The following RNF130 variants were observed in gnomAD, a reference collection of about 807,000 sequenced individuals.
The protein encoded by RNF130 is E3 ubiquitin-protein ligase RNF130.
Under a neutral mutation model 44.6 loss-of-function variants are expected in RNF130, and 21 were observed. The ratio of observed to expected loss-of-function variants is 0.47; its 90% CI spans 0.33 to 0.68. The LOEUF is 0.68. RNF130 is among the 30% of genes least tolerant of loss of function. The pLI is 0.02. For synonymous variants in RNF130, 214 were observed against 210.4 expected, an observed-to-expected ratio of 1.02 and a Z score of -0.15; for missense variants, 479 against 560.6, an observed-to-expected ratio of 0.85 and a Z score of 1.47.
intron 3 of RNF130, among the ~76,000 whole-genome samples, chr5:179,986,321 T>C (rs1762950851): frequency 6.6e-6 from 1 of 152,234 alleles, no homozygotes; most frequent in South Asian, 2.1e-4. Flanking sequence ...GACCTCTATC[T>C]ATGGTACAAA....
At chr5:180,053,716 C>CT (rs1764738205) in intron 1 of RNF130, among the ~76,000 whole-genome samples, 1 of 152,086 alleles carries the variant, frequency 6.6e-6, no homozygotes, top group Non-Finnish European at 1.5e-5. Context: ...TTTCTCAAGA[C>CT]TTTTTTGCTT....
At position 179,963,560 on chromosome 5, in the gene RNF130, T is replaced by C; in HGVS notation, c.1155A>G (p.Glu385=). The change falls in exon 8 of 9, where the codon GAA becomes GAG. Residue 385 remains glutamate (E), a synonymous_variant. Coordinates refer to ENST00000521389, the MANE Select transcript of RNF130 (RefSeq NM_018434.6). ...GGCCAAAACTGGCAATAATAAACCA[T>C]TCTTCTGTTGACAAAGGAAAGGGAG... ...TGEINIAVTK[E]WFIIASFGLL... 1.2e-6 allele frequency: 2 copies of C among 1,610,866 alleles called. 1 individual carries two copies. The highest frequency in any genetic ancestry group is 2.2e-5 in the South Asian group (2 of 90,904).
At chr5:179,939,851 A>T (rs1761947857) in intron 7 of RNF130, 1 of 376,606 alleles carries the variant, frequency 2.7e-6, no homozygotes, top group East Asian at 7.5e-5. Context: ...AAATTCCCTG[A>T]AGACATCATC....
intron 3 of RNF130, among the ~76,000 whole-genome samples, chr5:180,002,917 G>C (rs140429722): frequency 6.1e-4 from 93 of 152,018 alleles, no homozygotes; most frequent in African/African-American, 2.2e-3. Flanking sequence ...ACTCAGATCT[G>C]GGTTGTTATT....
chr5:179,961,639 A>G (rs1244372073), intron 8 of RNF130, among the ~76,000 whole-genome samples: 1 of 152,058 alleles, frequency 6.6e-6, no homozygotes, highest in African/African-American at 2.4e-5. Flanking sequence ...ACTGGTTATC[A>G]CTCATTTGTG....
intron 1 of RNF130, among the ~76,000 whole-genome samples, chr5:180,053,200 T>C (rs1764729615): frequency 6.6e-6 from 1 of 151,968 alleles, no homozygotes; most frequent in Admixed American, 6.6e-5. Flanking sequence ...TGGACAGGGA[T>C]TGCAACCACC....
chr5:180,062,342 G>C (rs1461384045), intron 1 of RNF130, among the ~76,000 whole-genome samples: 2 of 152,034 alleles, frequency 1.3e-5, no homozygotes, highest in Non-Finnish European at 2.9e-5. Context: ...TTACAGGTGT[G>C]AGCCACTGAG....
chr5:180,026,308 AT>A (rs1467145158), intron 2 of RNF130, among the ~76,000 whole-genome samples: 1 of 152,262 alleles, frequency 6.6e-6, no homozygotes, highest in Non-Finnish European at 1.5e-5. Context: ...TCAGACAGTG[AT>A]TTAACACAAC....
intron 1 of RNF130, among the ~76,000 whole-genome samples, chr5:180,041,730 G>A (rs1156504271): frequency 6.6e-6 from 1 of 152,184 alleles, no homozygotes; most frequent in Non-Finnish European, 1.5e-5. Context: ...AGGAAGTAAG[G>A]AAAGGGAACA....
chr5:179,980,194 G>T lies in RNF130; in HGVS notation c.700C>A (p.Leu234Ile). ...ATGGCTTTCTTGGCTGCATCTCCGA[G>T]ACGACGCTATGAAAATTGCAAATAA... ...TNARDRNQRR[L>I]GDAAKKAISK... is the part of the protein sequence containing the mutation. The change falls in exon 4 of 9, where the codon CTC (leucine) becomes ATC (isoleucine). Residue 234 changes from leucine to isoleucine, a missense_variant. Leu to Ile is a conservative substitution (Grantham distance 5). Coordinates refer to ENST00000521389, the MANE Select transcript of RNF130 (RefSeq NM_018434.6). 6.2e-7 allele frequency: 1 copy of T among 1,613,974 alleles called. No homozygotes were observed. The highest frequency in any genetic ancestry group is 8.5e-7 in the Non-Finnish European group (1 of 1,179,924).
chr5:180,060,876 T>C (rs903012810), intron 1 of RNF130, among the ~76,000 whole-genome samples: 5 of 152,022 alleles, frequency 3.3e-5, no homozygotes, highest in African/African-American at 7.2e-5. Context: ...GAGACCATCC[T>C]GGCTAACACG....
chr5:179,970,421 G>A lies in RNF130; in HGVS notation c.934C>T (p.Leu312=). Residue 312 remains leucine, a synonymous_variant, in exon 6 of 9, where the codon CTG becomes TTG. Transcript: ENST00000521389. ...AATAGGAAACGTACCACAATTCCCA[G>A]GGCCTTCAATATATTAAGTTTGCAC... ...PMCKLNILKA[L]GIVPNLPCTD... is the part of the protein sequence containing the mutation. 3.1e-6 allele frequency: 5 copies of A among 1,610,576 alleles called. No homozygotes were observed. In the South Asian group the frequency reaches 3.3e-5, roughly 11 times the overall value.
intron 2 of RNF130, among the ~76,000 whole-genome samples, chr5:180,038,619 C>T (rs1295747094): frequency 6.6e-6 from 1 of 152,032 alleles, no homozygotes; most frequent in African/African-American, 2.4e-5. Context: ...CCTCTAGGAA[C>T]ATATCTAAAC....
chr5:180,058,972 C>T (rs142624155), intron 1 of RNF130, among the ~76,000 whole-genome samples: 6 of 152,224 alleles, frequency 3.9e-5, no homozygotes, highest in Admixed American at 6.5e-5. Flanking sequence ...TCAATTTATA[C>T]GTTATTTTAC....
chr5:180,051,671 ATT>A (rs1037951810), intron 1 of RNF130, among the ~76,000 whole-genome samples: 3 of 152,170 alleles, frequency 2.0e-5, no homozygotes, highest in African/African-American at 7.2e-5. Context: ...GCCGTCCATC[ATT>A]GTTTGTCTGC....
At chr5:180,054,712 C>T (rs886881378) in intron 1 of RNF130, among the ~76,000 whole-genome samples, 11 of 151,854 alleles carry the variant, frequency 7.2e-5, no homozygotes, top group African/African-American at 2.7e-4. Flanking sequence ...ACTGTGAGTC[C>T]CTTTTACTTC....
chr5:179,966,793 G>A lies in RNF130; in HGVS notation c.1150+13C>T. 2 of 1,610,186 alleles carry A rather than the reference G, an allele frequency of 1.2e-6. No homozygotes were observed. Among genetic ancestry groups the A allele is most frequent in the Non-Finnish European group, 1.7e-6 (2 of 1,178,044 alleles). ...GCCACATGCCCTGTGCCTGAGCGGA[G>A]GCCCCCACTTACTTGTTACTGCAAT... is the stretch of plus-strand genomic sequence containing the variant. On this transcript the variant is annotated intron_variant, in intron 7 of 8. Coordinates refer to ENST00000521389, the MANE Select transcript of RNF130 (RefSeq NM_018434.6).
intron 1 of RNF130, among the ~76,000 whole-genome samples, chr5:180,056,083 T>C (rs1461547375): frequency 6.7e-6 from 1 of 148,964 alleles, no homozygotes; most frequent in Non-Finnish European, 1.5e-5. Context: ...AACTGGGTCT[T>C]AAAAAAAAAC....
At chr5:180,047,496 G>C (rs1442660677) in intron 1 of RNF130, among the ~76,000 whole-genome samples, 1 of 152,182 alleles carries the variant, frequency 6.6e-6, no homozygotes, top group East Asian at 1.9e-4. Context: ...TGTCATCCCA[G>C]CACTTTGGGA....
Sources: gnomAD v4.1 joint callset for allele counts (sites outside exome capture counted in the v4.1 genomes callset) on GRCh38, gnomAD v4.1.1 for gene constraint, MANE v1.5 for transcripts, NCBI Gene and HGNC (gene_info 2026-07-23, HGNC 2026-07-21) for gene names.